The following SMARCAL1 variants were observed in gnomAD, a reference collection of about 807,000 sequenced individuals.
The protein encoded by SMARCAL1 is SNF2 related chromatin remodeling annealing helicase 1, also known as ATP-driven annealing helicase.
Under a neutral mutation model 94.5 loss-of-function variants are expected in SMARCAL1, and 58 were observed. That is an observed-to-expected ratio of 0.61 (90% confidence interval 0.50 to 0.76). SMARCAL1 has a LOEUF of 0.76. Ranked by LOEUF, SMARCAL1 falls within the 30% of genes least tolerant of loss-of-function variation. The pLI is 0.00. For missense variants in SMARCAL1, 1,051 were observed against 1,177.9 expected, an observed-to-expected ratio of 0.89 and a Z score of 1.58; for synonymous variants, 422 against 455.1, an observed-to-expected ratio of 0.93 and a Z score of 0.93.
intron 6 of SMARCAL1, chr2:216,427,444 A>G (rs1455688571): frequency 6.6e-5 from 10 of 152,214 alleles, no homozygotes; most frequent in Non-Finnish European, 1.3e-4. Flanking sequence ...AGCTTTCATC[A>G]GGTATTTGAG....
rs766857853 is a variant in SMARCAL1 at position 216,447,064 on chromosome 2, G to A, written c.1757G>A (p.Arg586Gln). 2.2e-5 allele frequency: 35 copies of A among 1,604,312 alleles called. No individual in the cohort carries two copies. The Admixed American group carries it at 3.0e-4, about 14-fold the overall frequency. The stretch of plus-strand genomic sequence containing the variant: ...TTGTCGGGCACACCAGCCATGTCCC[G>A]GCCCGCAGAGCTCTACACGCAGATC... ...ILLSGTPAMSRPAELYTQIIA... is the reference protein window; with the variant it reads ...ILLSGTPAMSQPAELYTQIIA... Residue 586 changes from arginine (R) to glutamine (Q), a missense_variant, in exon 11 of 18, where the codon CGG becomes CAG. Physicochemically the swap from Arg to Gln is conservative, Grantham distance 43 (BLOSUM62 1). Around this residue, in one of 3 missense-constraint regions of SMARCAL1, gnomAD observed 642 missense variants for 754.7 expected, o/e 0.85. Transcript: ENST00000357276.
intron 12 of SMARCAL1, among the ~76,000 whole-genome samples, chr2:216,460,826 A>G (rs759523864): frequency 1.3e-5 from 2 of 152,192 alleles, no homozygotes; most frequent in African/African-American, 4.8e-5. Flanking sequence ...CCTAGAACTT[A>G]AAGTGTAATA....
Position 216,415,475 on chromosome 2 carries a change from A to G in SMARCAL1, c.771A>G (p.Glu257=), listed in dbSNP as rs767894063. ...AGGTGTTGATTGGGTACAATGCGGA[A>G]CTCATTGCAGTGTTTAAGACCCTGC... ...RFQVLIGYNA[E]LIAVFKTLPS... The change falls in exon 3 of 18, where the codon GAA becomes GAG. Residue 257 remains glutamate (E), a synonymous_variant. Coordinates refer to ENST00000357276, the MANE Select transcript of SMARCAL1 (RefSeq NM_014140.4). The G allele has an allele frequency of 3.1e-6, 5 of 1,613,676 alleles. No individual in the cohort carries two copies. The East Asian group carries it at 1.1e-4, about 36-fold the overall frequency.
intron 14 of SMARCAL1, among the ~76,000 whole-genome samples, chr2:216,474,128 CTTTTTTTTTT>C (rs1182416023): frequency 9.2e-5 from 6 of 64,926 alleles, no homozygotes; most frequent in East Asian, 5.9e-4. Context: ...GTATAGCATT[CTTTTTTTTTT>C]TTTTTTTTTT....
At chr2:216,464,561 T>C in intron 12 of SMARCAL1, 36 bp from the exon 13 acceptor site, 1 of 1,491,286 alleles carries the variant, frequency 6.7e-7, no homozygotes, top group Non-Finnish European at 9.4e-7. Flanking sequence ...GTTCTCAGAC[T>C]GGGGCACTTA....
intron 2 of SMARCAL1, chr2:216,414,432 C>T: frequency 2.4e-6 from 1 of 418,630 alleles, no homozygotes; most frequent in South Asian, 2.1e-5. Flanking sequence ...GCTGGGATTA[C>T]ACCCGACCTG....
chr2:216,464,480 C>T (rs1694785666), intron 12 of SMARCAL1, 117 bp from the exon 13 acceptor site: 3 of 825,210 alleles, frequency 3.6e-6, no homozygotes, highest in East Asian at 2.4e-5. Flanking sequence ...CCAGGGTCTC[C>T]TGACTCTGGT....
intron 12 of SMARCAL1, among the ~76,000 whole-genome samples, chr2:216,456,093 G>A (rs1694561221): frequency 6.6e-6 from 1 of 152,098 alleles, no homozygotes; most frequent in South Asian, 2.1e-4. Flanking sequence ...TGGAAGAAAG[G>A]GTATCAGTGA....
intron 12 of SMARCAL1, among the ~76,000 whole-genome samples, chr2:216,456,180 A>G (rs1489355943): frequency 3.3e-5 from 5 of 152,250 alleles, no homozygotes; most frequent in Non-Finnish European, 7.3e-5. Flanking sequence ...AGCCTCCAAG[A>G]AATATGGGAC....
chr2:216,441,992 G>C (rs1363672894), intron 10 of SMARCAL1, among the ~76,000 whole-genome samples: 1 of 152,192 alleles, frequency 6.6e-6, no homozygotes, highest in Non-Finnish European at 1.5e-5. Context: ...CTAAGAAGCA[G>C]CTGTTTCTCT....
intron 4 of SMARCAL1, 105 bp from the exon 5 acceptor site, chr2:216,420,194 G>T: frequency 1.1e-6 from 1 of 895,886 alleles, no homozygotes; most frequent in South Asian, 1.4e-5. Flanking sequence ...AGTGCCTCTT[G>T]ACCATGTCCC....
At position 216,415,414 on chromosome 2, in the gene SMARCAL1, A is replaced by G. The variant is rs370414331; in HGVS notation, c.710A>G (p.Gln237Arg). Reference protein sequence around the residue: ...GSSVQKGVNSQKGKCVRNGDR... With the variant: ...GSSVQKGVNSRKGKCVRNGDR... ...TCAGTCCAAAAAGGAGTGAACTCTCAGAAGGGAAAGTGCGTAAGGAACGGC... is the reference window on the plus strand; with the variant it reads ...TCAGTCCAAAAAGGAGTGAACTCTCGGAAGGGAAAGTGCGTAAGGAACGGC... Residue 237 changes from glutamine to arginine, a missense_variant, in exon 3 of 18, where the codon CAG becomes CGG. Transcript: ENST00000357276. 1.2e-6 allele frequency: 2 copies of G among 1,614,272 alleles called. No homozygotes were observed. The highest frequency in any genetic ancestry group is 1.7e-6 in the Non-Finnish European group (2 of 1,180,048).
At chr2:216,431,992 C>T (rs768545094) in intron 7 of SMARCAL1, among the ~76,000 whole-genome samples, 9 of 152,026 alleles carry the variant, frequency 5.9e-5, no homozygotes, top group Non-Finnish European at 1.2e-4. Flanking sequence ...TTCTTTTCAC[C>T]CTACCAGCTC....
intron 12 of SMARCAL1, among the ~76,000 whole-genome samples, chr2:216,454,794 T>G (rs973790569): frequency 1.3e-5 from 2 of 152,260 alleles, no homozygotes; most frequent in African/African-American, 4.8e-5. Context: ...GATGGGTGAT[T>G]TCTGCACTTC....
At chr2:216,427,010 G>T (rs1327813731) in intron 6 of SMARCAL1, 2 of 152,330 alleles carry the variant, frequency 1.3e-5, no homozygotes, top group South Asian at 4.1e-4. Flanking sequence ...AAGTGACTCA[G>T]GCCTTTTGCC....
chr2:216,414,806 G>C lies in SMARCAL1; in HGVS notation c.102G>C (p.Gln34His), dbSNP rs752194629. The change falls in exon 3 of 18, where the codon CAG becomes CAC. Residue 34 changes from glutamine (Q) to histidine (H), a missense_variant. Gln to His is a conservative substitution (Grantham distance 24). Coordinates refer to ENST00000357276, the MANE Select transcript of SMARCAL1 (RefSeq NM_014140.4). ...AGAAGTTATTGGCAGAACAGCATCAGAGGACTAGCTCGGGCACCTCCATTG... is the reference window on the plus strand; with the variant it reads ...AGAAGTTATTGGCAGAACAGCATCACAGGACTAGCTCGGGCACCTCCATTG... ...RAEKLLAEQH[Q>H]RTSSGTSIAG... 1 of 1,614,226 alleles carries C rather than the reference G, an allele frequency of 6.2e-7. No individual in the cohort carries two copies. The highest frequency in any genetic ancestry group is 2.2e-5 in the East Asian group (1 of 44,888).
chr2:216,451,276 A>G lies in SMARCAL1; in HGVS notation c.2070+212A>G, dbSNP rs1295317224. 3 of 571,818 alleles carry G rather than the reference A, an allele frequency of 5.2e-6. No homozygotes were observed. The East Asian group carries it at 9.4e-5, about 18-fold the overall frequency. The allele number at this position is 571,818 out of a possible 1,614,324, so 35.4% of individuals were successfully genotyped here. Reference sequence around the variant, plus strand: ...TATTAAGTTGTGGTTTTATACTTGTATAGATCGCTGTTGATGGATGGCCAT... The same window carrying G: ...TATTAAGTTGTGGTTTTATACTTGTGTAGATCGCTGTTGATGGATGGCCAT... On this transcript the variant is annotated intron_variant, in intron 12 of 17. Coordinates refer to ENST00000357276, the MANE Select transcript of SMARCAL1 (RefSeq NM_014140.4).
chr2:216,427,040 G>A (rs1693849832), intron 6 of SMARCAL1: 1 of 152,210 alleles, frequency 6.6e-6, no homozygotes, highest in South Asian at 2.1e-4. Context: ...ATTGGCATAA[G>A]TCCTTTTGTT....
rs573930272 is a variant in SMARCAL1 at position 216,475,117 on chromosome 2, A to T, written c.2245-152A>T. Reference sequence around the variant, plus strand: ...GCACCTGAGTATAAGCAGTCATCTCAATACCAATGTCAATTTGAAAAGAAA... The same window carrying T: ...GCACCTGAGTATAAGCAGTCATCTCTATACCAATGTCAATTTGAAAAGAAA... On this transcript the variant is annotated intron_variant, in intron 14 of 17. Transcript: ENST00000357276. This position sits in a 1 kb window ranked among gnomAD's most constrained non-coding sequence, Gnocchi z 4.4. 45 of 688,246 alleles carry T rather than the reference A, an allele frequency of 6.5e-5. No individual in the cohort carries two copies. The African/African-American group carries it at 7.0e-4, about 11-fold the overall frequency. The allele number at this position is 688,246 out of a possible 1,614,324, so 42.6% of individuals were successfully genotyped here.
Sources: gnomAD v4.1 joint callset for allele counts (sites outside exome capture counted in the v4.1 genomes callset) on GRCh38, gnomAD v4.1.1 for gene constraint, gnomAD v4.1.1 regional missense constraint, Gnocchi (gnomAD v3.1) non-coding constraint, MANE v1.5 for transcripts, NCBI Gene and HGNC (gene_info 2026-07-23, HGNC 2026-07-21) for gene names.